Variants in BLACAT1 observed in about 807,000 individuals in gnomAD.
BLACAT1 encodes the protein bladder cancer associated transcript 1.
downstream of BLACAT1, chr1:205,437,587 A>G (rs1029743447): frequency 1.3e-5 from 2 of 151,890 alleles, no homozygotes; most frequent in African/African-American, 4.8e-5. Flanking sequence ...ACTTCCATCC[A>G]CCCTCCAGAT....
At chr1:205,455,089 C>G (rs542059661) in intron 1 of BLACAT1, among the ~76,000 whole-genome samples, 3 of 152,226 alleles carry the variant, frequency 2.0e-5, no homozygotes, top group African/African-American at 4.8e-5. Context: ...TGTTATGGAC[C>G]CTTTCTCAGG....
rs577328822 is a variant in BLACAT1 at position 205,448,165 on chromosome 1, C to A, written c.-36-7103G>T. 48 of 391,674 alleles carry A rather than the reference C, an allele frequency of 1.2e-4. No individual in the cohort carries two copies. Among genetic ancestry groups the A allele is most frequent in the African/African-American group, 9.6e-4 (46 of 48,104 alleles). The allele number at this position is 391,674 out of a possible 1,614,324, so 24.3% of individuals were successfully genotyped here. A position where few individuals can be genotyped will look rare whatever the true frequency, so the allele number is the denominator to read the frequency against. On this transcript the variant is annotated intron_variant, in intron 1 of 1. Transcript: ENST00000629624. The surrounding 1 kb of genome is among the most constrained non-coding windows in gnomAD (Gnocchi z 4.7). ...AGGGCCAGAAGGGAAGTGACTGGGCCAAGGTCACACGGCTTAGCCCCGATC... is the reference window on the plus strand; with the variant it reads ...AGGGCCAGAAGGGAAGTGACTGGGCAAAGGTCACACGGCTTAGCCCCGATC...
At chr1:205,445,741 C>T (rs1455416745) in intron 1 of BLACAT1, among the ~76,000 whole-genome samples, 5 of 152,176 alleles carry the variant, frequency 3.3e-5, no homozygotes, top group Non-Finnish European at 7.3e-5. Context: ...GCTGGCCCAC[C>T]GTAAGAGTGG....
chr1:205,444,055 G>A (rs554389177), intron 1 of BLACAT1, among the ~76,000 whole-genome samples: 25 of 152,184 alleles, frequency 1.6e-4, no homozygotes, highest in African/African-American at 5.8e-4. Flanking sequence ...GTCTATTTGA[G>A]GGGGAGGAGT....
chr1:205,445,836 T>G (rs760091874), intron 1 of BLACAT1, among the ~76,000 whole-genome samples: 1 of 152,164 alleles, frequency 6.6e-6, no homozygotes, highest in Non-Finnish European at 1.5e-5. Flanking sequence ...AACTTTAGTG[T>G]CAAACTTTCG....
exon 2 of BLACAT1, chr1:205,440,501 T>C (rs192602981): frequency 2.4e-3 from 372 of 152,412 alleles, no homozygotes; most frequent in African/African-American, 8.2e-3. Flanking sequence ...GGAAGTTCTC[T>C]GCTAGAGCAG....
chr1:205,436,731 C>T (rs992406207), downstream of BLACAT1: 2 of 152,196 alleles, frequency 1.3e-5, no homozygotes, highest in African/African-American at 2.4e-5. Context: ...CTGGACATAG[C>T]AGCCACCTTC....
rs533623159 is a variant in BLACAT1 at position 205,452,180 on chromosome 1, A to C, written c.-37+3737T>G. 4.1e-4 allele frequency among the ~76,000 whole-genome samples: 62 copies of C among 152,298 alleles called. 1 individual carries two copies. Among genetic ancestry groups the C allele is most frequent in the African/African-American group, 1.4e-3 (59 of 41,548 alleles). On this transcript the variant is annotated intron_variant, in intron 1 of 1. Transcript: ENST00000629624. ...AGCTGCAGAAGCCAGGTCCAGCATG[A>C]AAACTAAAGCCTGTTTCACTGGGGA...
At position 205,450,480 on chromosome 1, in the gene BLACAT1, C is replaced by G. The variant is rs1012282204; in HGVS notation, c.-37+5437G>C. Among the ~76,000 whole-genome samples the G allele has an allele frequency of 3.3e-5, 5 of 150,974 alleles. No individual in the cohort carries two copies. Among genetic ancestry groups the G allele is most frequent in the Non-Finnish European group, 5.9e-5 (4 of 67,666 alleles). On this transcript the variant is annotated intron_variant, in intron 1 of 1. Transcript: ENST00000629624. The surrounding 1 kb of genome is among the most constrained non-coding windows in gnomAD (Gnocchi z 4.4). ...CTCCCCTTCTCCGCAGCCCTGGTTC[C>G]TCTCCTCACCCATACCCCTATTCTG...
chr1:205,453,539 C>A (rs1332876651), intron 1 of BLACAT1, among the ~76,000 whole-genome samples: 1 of 152,194 alleles, frequency 6.6e-6, no homozygotes, highest in Non-Finnish European at 1.5e-5. Flanking sequence ...TCTGAGACTT[C>A]CCAGGCAAAC....
intron 1 of BLACAT1, among the ~76,000 whole-genome samples, chr1:205,452,075 C>A (rs1666505677): frequency 6.6e-6 from 1 of 152,188 alleles, no homozygotes; most frequent in Admixed American, 6.5e-5. Flanking sequence ...GGAGAAGAGA[C>A]CTCAGGTGTC....
chr1:205,455,041 T>C (rs749530712), intron 1 of BLACAT1, among the ~76,000 whole-genome samples: 3 of 152,120 alleles, frequency 2.0e-5, no homozygotes, highest in Admixed American at 6.5e-5. Context: ...AGCTCAGCAC[T>C]GGCAGGGCTG....
intron 1 of BLACAT1, among the ~76,000 whole-genome samples, chr1:205,455,170 G>A (rs1292540837): frequency 6.6e-6 from 1 of 152,148 alleles, no homozygotes; most frequent in Non-Finnish European, 1.5e-5. Flanking sequence ...CCTCCAGGTG[G>A]GCTCCTAGCT....
Position 205,450,056 on chromosome 1 carries a change from C to A in BLACAT1, c.-37+5861G>T, listed in dbSNP as rs1666471030. The A allele has an allele frequency of 6.6e-6, 1 of 152,176 alleles. No homozygotes were observed. Among genetic ancestry groups the A allele is most frequent in the Admixed American group, 6.5e-5 (1 of 15,280 alleles). The allele number at this position is 152,176 out of a possible 1,614,324, so 9.4% of individuals were successfully genotyped here. On this transcript the variant is annotated intron_variant, in intron 1 of 1. Transcript: ENST00000629624. The surrounding 1 kb of genome is among the most constrained non-coding windows in gnomAD (Gnocchi z 4.4). Reference sequence around the variant, plus strand: ...GGCCAGGGCTGAGCTGTACCCAACTCAACTTGACTCACTTGTGACCGGCCC... The same window carrying A: ...GGCCAGGGCTGAGCTGTACCCAACTAAACTTGACTCACTTGTGACCGGCCC...
intron 1 of BLACAT1, among the ~76,000 whole-genome samples, chr1:205,454,786 G>T (rs1666543297): frequency 6.6e-6 from 1 of 151,944 alleles, no homozygotes; most frequent in African/African-American, 2.4e-5. Flanking sequence ...AGCCTCAAAA[G>T]AGCTGACTTT....
chr1:205,446,768 G>A (rs1396039906), intron 1 of BLACAT1, among the ~76,000 whole-genome samples: 1 of 152,186 alleles, frequency 6.6e-6, no homozygotes, highest in East Asian at 1.9e-4. Context: ...CTGAACTCTG[G>A]GTGAGAGAAC....
chr1:205,453,809 C>T (rs1308796562), intron 1 of BLACAT1, among the ~76,000 whole-genome samples: 1 of 152,142 alleles, frequency 6.6e-6, no homozygotes, highest in Admixed American at 6.5e-5. Flanking sequence ...AAGTCCAGGA[C>T]CCAGGCCACA....
chr1:205,453,989 C>T (rs1666530859), intron 1 of BLACAT1, among the ~76,000 whole-genome samples: 1 of 152,234 alleles, frequency 6.6e-6, no homozygotes, highest in Non-Finnish European at 1.5e-5. Flanking sequence ...CCTCAACCCC[C>T]ATGGGGTGAT....
exon 2 of BLACAT1, chr1:205,440,531 C>T (rs1036609253): frequency 1.3e-5 from 2 of 152,328 alleles, no homozygotes; most frequent in African/African-American, 4.8e-5. Flanking sequence ...CATTTAGCAA[C>T]AGCTCTCCTA....
Sources: gnomAD v4.1 joint callset for allele counts (sites outside exome capture counted in the v4.1 genomes callset) on GRCh38, gnomAD v4.1.1 for gene constraint, Gnocchi (gnomAD v3.1) non-coding constraint, MANE v1.5 for transcripts, NCBI Gene and HGNC (gene_info 2026-07-23, HGNC 2026-07-21) for gene names.